HECTD4: variants seen among roughly 807,000 people sequenced by gnomAD.
HECTD4 encodes HECT domain E3 ubiquitin protein ligase 4, also known as probable E3 ubiquitin-protein ligase HECTD4.
Under a neutral mutation model 471.5 loss-of-function variants are expected in HECTD4, and 114 were observed. That is an observed-to-expected ratio of 0.24 (90% CI 0.21 to 0.28). HECTD4 has a LOEUF of 0.28. HECTD4 is among the 10% of genes least tolerant of loss of function. HECTD4 has a pLI of 1.00. For synonymous variants in HECTD4, 2,012 were observed against 2,256.0 expected (o/e 0.89, Z 3.07); for missense variants, 3,866 against 5,651.5 (o/e 0.68, Z 10.13).
rs761363211 is a variant in HECTD4 at position 112,265,239 on chromosome 12, A to G, written c.2555T>C (p.Ile852Thr). 5.6e-6 allele frequency: 9 copies of G among 1,600,644 alleles called. No individual in the cohort carries two copies. Among genetic ancestry groups the G allele is most frequent in the Non-Finnish European group, 6.8e-6 (8 of 1,171,496 alleles). ...ILKIVVRESC[I>T]LITKCQTVSK... ...GACAGTTTGGCACTTGGTGATTAAG[A>G]TACAGGATTCTCGTACAACAATCTT... Residue 852 changes from isoleucine to threonine, a missense_variant, in exon 16 of 76, where the codon ATC becomes ACC. Coordinates refer to ENST00000682272, the MANE Select transcript of HECTD4 (RefSeq NM_001388303.1).
At chr12:112,261,621 G>A in intron 17 of HECTD4, 192 bp from the exon 18 acceptor site, 1 of 517,134 alleles carries the variant, frequency 1.9e-6, no homozygotes, top group South Asian at 3.1e-5. Context: ...TAAATGGCAA[G>A]TAGCAATTTG....
At chr12:112,172,902 G>A (rs2137009700) in intron 66 of HECTD4, 41 bp from the exon 67 acceptor site, 3 of 1,558,198 alleles carry the variant, frequency 1.9e-6, no homozygotes, top group East Asian at 2.3e-5. Flanking sequence ...AGTGAGGCAG[G>A]GCACACCGGG....
chr12:112,250,974 T>A lies in HECTD4; in HGVS notation c.3713A>T (p.Gln1238Leu). 1.2e-6 allele frequency: 2 copies of A among 1,608,530 alleles called. No homozygotes were observed. Among genetic ancestry groups the A allele is most frequent in the Non-Finnish European group, 1.7e-6 (2 of 1,177,612 alleles). ...CQELLRSKLL[Q>L]RCQWQVEANG... Reference sequence around the variant, plus strand: ...TCAATTTCAACCTTTTTGTTACCTTTGTAAAAGTTTGGACCGCAATAGCTC... The same window carrying A: ...TCAATTTCAACCTTTTTGTTACCTTAGTAAAAGTTTGGACCGCAATAGCTC... The change falls in exon 24 of 76, where the codon CAA (glutamine) becomes CTA (leucine). Residue 1238 changes from glutamine to leucine, a missense_variant. Physicochemically the swap from Gln to Leu is moderately radical, Grantham distance 113. Coordinates refer to ENST00000682272, the MANE Select transcript of HECTD4 (RefSeq NM_001388303.1).
In HECTD4 at chr12:112,251,151, G is replaced by A. The variant is rs763180248; in HGVS notation, c.3553-17C>T. The stretch of plus-strand genomic sequence containing the variant: ...CGAAGACTCCTACAATGCAGACAGG[G>A]GTAAACCACACTGGTCAGTGTACAC... On this transcript the variant is annotated splice_polypyrimidine_tract_variant and intron_variant, in intron 23 of 75. Coordinates refer to ENST00000682272, the MANE Select transcript of HECTD4 (RefSeq NM_001388303.1). 2.5e-6 allele frequency: 4 copies of A among 1,611,702 alleles called. No individual in the cohort carries two copies. The South Asian group carries it at 4.4e-5, about 18-fold the overall frequency.
chr12:112,288,144 C>T (rs977131346), intron 7 of HECTD4, among the ~76,000 whole-genome samples: 13 of 149,292 alleles, frequency 8.7e-5, no homozygotes, highest in African/African-American at 2.2e-4. Flanking sequence ...GCCTGGCCAA[C>T]GTGGTTAAAC....
intron 60 of HECTD4, among the ~76,000 whole-genome samples, chr12:112,186,762 G>T (rs2031880946): frequency 6.6e-6 from 1 of 151,480 alleles, no homozygotes; most frequent in Admixed American, 6.6e-5. Context: ...CCGCCTCCCA[G>T]GTTCAAGCAA....
intron 66 of HECTD4, among the ~76,000 whole-genome samples, chr12:112,175,188 G>T (rs1162059456): frequency 6.6e-6 from 1 of 152,196 alleles, no homozygotes; most frequent in Non-Finnish European, 1.5e-5. Context: ...GTATGTTGAA[G>T]CCCTAATCCC....
rs758656971 is a variant in HECTD4 at position 112,210,051 on chromosome 12, G to A, written c.7831C>T (p.Pro2611Ser). ...IASDPGTHGP[P>S]CRIAAVATAQ... is the part of the protein sequence containing the mutation. ...GTGGCCACGGCAGCAATCCGGCATG[G>A]TGGCCCATGAGTGCCTGGGTCTGAT... The change falls in exon 50 of 76, where the codon CCA becomes TCA. Residue 2611 changes from proline to serine, a missense_variant. Transcript: ENST00000682272. The A allele has an allele frequency of 6.2e-7, 1 of 1,614,004 alleles. No homozygotes were observed. The highest frequency in any genetic ancestry group is 1.1e-5 in the South Asian group (1 of 91,080).
At chr12:112,365,772 G>GTTTTTTTTTTTTT (rs5800943) in intron 1 of HECTD4, among the ~76,000 whole-genome samples, 6 of 91,968 alleles carry the variant, frequency 6.5e-5, no homozygotes, top group Non-Finnish European at 8.7e-5. Context: ...TTTTTTTTTT[G>GTTTTTTTTTTTTT]TTTTTTTTTT....
intron 49 of HECTD4, among the ~76,000 whole-genome samples, chr12:112,211,559 C>T (rs1320930720): frequency 2.7e-5 from 4 of 149,004 alleles, no homozygotes; most frequent in African/African-American, 2.5e-5. Flanking sequence ...AAGACGTGAA[C>T]GGGCAAGAAT....
chr12:112,372,398 T>C (rs537062136), intron 1 of HECTD4, among the ~76,000 whole-genome samples: 1 of 152,130 alleles, frequency 6.6e-6, no homozygotes, highest in Non-Finnish European at 1.5e-5. Context: ...TAGCTGGGAC[T>C]ACAGGTGCCC....
chr12:112,298,305 A>G (rs887327897), intron 7 of HECTD4, among the ~76,000 whole-genome samples: 1 of 152,132 alleles, frequency 6.6e-6, no homozygotes, highest in African/African-American at 2.4e-5. Flanking sequence ...AGTTGTTAAC[A>G]CAGAAGAAAG....
chr12:112,374,554 A>G (rs2036743577), intron 1 of HECTD4, among the ~76,000 whole-genome samples: 2 of 152,194 alleles, frequency 1.3e-5, no homozygotes, highest in Non-Finnish European at 2.9e-5. Flanking sequence ...CTGCACCAAG[A>G]TTCAGTGACT....
intron 7 of HECTD4, among the ~76,000 whole-genome samples, chr12:112,293,970 G>A: frequency 6.6e-6 from 1 of 152,166 alleles, no homozygotes; most frequent in East Asian, 1.9e-4. Context: ...CACAATCATA[G>A]CTCACTACAG....
intron 1 of HECTD4, among the ~76,000 whole-genome samples, chr12:112,352,341 T>TC (rs1169175418): frequency 3.3e-5 from 5 of 151,612 alleles, no homozygotes; most frequent in Non-Finnish European, 7.4e-5. Flanking sequence ...GCATCTTTTT[T>TC]TTTTTTTTTT....
At chr12:112,272,099 G>A (rs1412826274) in intron 11 of HECTD4, among the ~76,000 whole-genome samples, 3 of 151,868 alleles carry the variant, frequency 2.0e-5, no homozygotes, top group Admixed American at 6.6e-5. Context: ...CCCAGGCTGG[G>A]GTGCAATGGC....
At chr12:112,355,323 C>T (rs1437225637) in intron 1 of HECTD4, among the ~76,000 whole-genome samples, 1 of 148,396 alleles carries the variant, frequency 6.7e-6, no homozygotes, top group African/African-American at 2.5e-5. Context: ...GGGCCAGGCA[C>T]GGTGGCCGAC....
At chr12:112,264,350 T>C (rs926118367) in intron 16 of HECTD4, 138 bp from the exon 17 acceptor site, 1 of 758,366 alleles carries the variant, frequency 1.3e-6, no homozygotes, top group Admixed American at 3.5e-5. Flanking sequence ...GTTTTTCAGG[T>C]GCCTTATTTC....
At chr12:112,226,605 C>T (rs746837300) in intron 44 of HECTD4, 38 bp downstream of exon 44, 6 of 1,353,970 alleles carry the variant, frequency 4.4e-6, no homozygotes, top group Non-Finnish European at 6.2e-6. Context: ...TGAGAAAATT[C>T]AATAAAACAG....
Sources: allele counts gnomAD v4.1 joint callset (sites outside exome capture counted in the v4.1 genomes callset), GRCh38; gene constraint gnomAD v4.1.1; transcripts MANE v1.5; gene names NCBI Gene and HGNC (gene_info 2026-07-23, HGNC 2026-07-21).